Variants in TPST1 observed in about 807,000 individuals in gnomAD.
TPST1 encodes the protein protein-tyrosine sulfotransferase 1.
TPST1 carries 20 observed loss-of-function variants against 34.8 expected under a neutral mutation model. The ratio of observed to expected loss-of-function variants is 0.57; its 90% confidence interval spans 0.40 to 0.84. TPST1 has a LOEUF of 0.84. Among genes scored for constraint, TPST1 ranks in the 40% least tolerant of loss-of-function variants. The pLI, the probability that TPST1 is intolerant of heterozygous loss-of-function variation, is 0.00. For missense variants in TPST1, 353 were observed against 455.5 expected (o/e 0.78, Z 2.05); for synonymous variants, 152 against 159.4 (o/e 0.95, Z 0.35).
At chr7:66,266,245 C>G (rs1181407156) in intron 2 of TPST1, among the ~76,000 whole-genome samples, 4 of 150,246 alleles carry the variant, frequency 2.7e-5, no homozygotes, top group Admixed American at 6.6e-5. Context: ...AGTAAATTAG[C>G]AAGGTGAGAT....
At chr7:66,325,677 C>T (rs1398792425) in intron 3 of TPST1, among the ~76,000 whole-genome samples, 1 of 152,002 alleles carries the variant, frequency 6.6e-6, no homozygotes, top group Non-Finnish European at 1.5e-5. Flanking sequence ...GCTTTGTCAC[C>T]CAGGCTGGAG....
the TPST1 span, among the ~76,000 whole-genome samples, chr7:66,199,063 G>A: frequency 1.3e-3 from 195 of 152,246 alleles, no homozygotes; most frequent in African/African-American, 4.3e-3. Context: ...TGGCTCTGGA[G>A]TCCTCTCCTG....
At chr7:66,308,459 T>C (rs1469487422) in intron 3 of TPST1, among the ~76,000 whole-genome samples, 1 of 152,206 alleles carries the variant, frequency 6.6e-6, no homozygotes, top group Non-Finnish European at 1.5e-5. Flanking sequence ...CCCTGAGGTA[T>C]GGCTTTAGTA....
intron 1 of TPST1, among the ~76,000 whole-genome samples, chr7:66,222,307 C>G (rs960603648): frequency 2.0e-5 from 3 of 151,926 alleles, no homozygotes; most frequent in Non-Finnish European, 4.4e-5. Flanking sequence ...ATGGCATGAA[C>G]CCCGGGAGGT....
intron 4 of TPST1, among the ~76,000 whole-genome samples, chr7:66,354,221 C>T (rs1792537006): frequency 6.6e-6 from 1 of 152,078 alleles, no homozygotes; most frequent in African/African-American, 2.4e-5. Context: ...CATGATGTCC[C>T]AGAAACCTGG....
chr7:66,231,195 C>T (rs1435617345), intron 1 of TPST1, among the ~76,000 whole-genome samples: 2 of 152,204 alleles, frequency 1.3e-5, no homozygotes, highest in African/African-American at 4.8e-5. Flanking sequence ...GTTTACAAAC[C>T]TTGAGCTAGA....
At chr7:66,350,373 C>T (rs1792451142) in intron 3 of TPST1, among the ~76,000 whole-genome samples, 2 of 152,108 alleles carry the variant, frequency 1.3e-5, no homozygotes, top group African/African-American at 4.8e-5. Flanking sequence ...CCCCCATTGA[C>T]TGGGGGAGAT....
intron 1 of TPST1, among the ~76,000 whole-genome samples, chr7:66,213,187 G>C (rs760818707): frequency 1.3e-5 from 2 of 152,058 alleles, no homozygotes; most frequent in African/African-American, 2.4e-5. Flanking sequence ...CTGAATGTTA[G>C]ATCTTTTGTT....
intron 2 of TPST1, among the ~76,000 whole-genome samples, chr7:66,262,718 TC>T (rs1229910653): frequency 6.6e-6 from 1 of 152,128 alleles, no homozygotes; most frequent in Admixed American, 6.5e-5. Context: ...TCTTCCACTT[TC>T]CTTTGGGCAT....
intron 2 of TPST1, among the ~76,000 whole-genome samples, chr7:66,243,423 G>A (rs62465554): frequency 0.037 from 5,588 of 151,950 alleles, 163 homozygotes; most frequent in East Asian, 0.089. Context: ...TTTGGTTGAG[G>A]TGAGTCTAAA....
chr7:66,340,906 G>A (rs970964083), intron 3 of TPST1, among the ~76,000 whole-genome samples: 20 of 152,256 alleles, frequency 1.3e-4, no homozygotes, highest in African/African-American at 4.1e-4. Context: ...AGCTACTCAG[G>A]AGGCTGAGGC....
chr7:66,237,659 G>A (rs532643729), intron 1 of TPST1, among the ~76,000 whole-genome samples: 1 of 152,276 alleles, frequency 6.6e-6, no homozygotes, highest in South Asian at 2.1e-4. Context: ...TTTGCTAGTG[G>A]GTTGGAAGGG....
chr7:66,346,386 T>G (rs1792352860), intron 3 of TPST1, among the ~76,000 whole-genome samples: 1 of 152,124 alleles, frequency 6.6e-6, no homozygotes, highest in South Asian at 2.1e-4. Flanking sequence ...CATTTTTAGT[T>G]TTTTGAGGAA....
chr7:66,318,183 T>C (rs1791673964), intron 3 of TPST1, among the ~76,000 whole-genome samples: 1 of 152,092 alleles, frequency 6.6e-6, no homozygotes, highest in African/African-American at 2.4e-5. Context: ...AATAAATATA[T>C]ATTACTGTTC....
At chr7:66,230,397 C>T (rs958648309) in intron 1 of TPST1, among the ~76,000 whole-genome samples, 1 of 152,316 alleles carries the variant, frequency 6.6e-6, no homozygotes, top group Non-Finnish European at 1.5e-5. Flanking sequence ...CGGACCCTCG[C>T]GGTGAGCGTT....
Position 66,247,284 on chromosome 7 carries a change from C to T in TPST1, c.845+6014C>T, listed in dbSNP as rs548673123. Among the ~76,000 whole-genome samples, 5 of 152,160 alleles carry T rather than the reference C, an allele frequency of 3.3e-5. No individual in the cohort carries two copies. In the South Asian group the frequency reaches 1.0e-3, roughly 32 times the overall value. On this transcript the variant is annotated intron_variant, in intron 2 of 5. Transcript: ENST00000304842. ...CTCTACTAAAAATACAAAAATTAGC[C>T]AGGGGTGGTGGCCCATGCCTGTAAA...
At chr7:66,234,750 C>T (rs1426192675) in intron 1 of TPST1, among the ~76,000 whole-genome samples, 1 of 152,222 alleles carries the variant, frequency 6.6e-6, no homozygotes, top group Non-Finnish European at 1.5e-5. Context: ...GATCTCAGCT[C>T]ACTGCAAGCT....
At chr7:66,344,907 G>A (rs758106638) in intron 3 of TPST1, among the ~76,000 whole-genome samples, 55 of 150,110 alleles carry the variant, frequency 3.7e-4, no homozygotes, top group Admixed American at 6.7e-4. Flanking sequence ...ATACTTTTTA[G>A]TAGAGACGGG....
At chr7:66,317,604 GTT>G (rs989205848) in intron 3 of TPST1, among the ~76,000 whole-genome samples, 2 of 145,268 alleles carry the variant, frequency 1.4e-5, no homozygotes. Context: ...GTGTTTTAAT[GTT>G]TTTTTTTTAA....
Sources: allele counts gnomAD v4.1 joint callset (sites outside exome capture counted in the v4.1 genomes callset), GRCh38; gene constraint gnomAD v4.1.1; transcripts MANE v1.5; gene names NCBI Gene and HGNC (gene_info 2026-07-23, HGNC 2026-07-21).